Variants in DGAT2 observed in about 807,000 individuals in gnomAD.
DGAT2 encodes the protein acyl-CoA retinol O-fatty-acyltransferase.
A neutral mutation model predicts 48.4 loss-of-function variants in DGAT2; 33 were observed. That is an observed-to-expected ratio of 0.68 (90% CI 0.52 to 0.91). The LOEUF (loss-of-function observed/expected upper bound fraction) is 0.91. Ranked by LOEUF, DGAT2 falls within the 40% of genes least tolerant of loss-of-function variation. DGAT2 has a pLI of 0.00. For missense variants in DGAT2, 446 were observed against 493.7 expected (o/e 0.90, Z 0.92); for synonymous variants, 191 against 194.1 (o/e 0.98, Z 0.13).
chr11:75,779,664 A>G (rs191018409), intron 1 of DGAT2, among the ~76,000 whole-genome samples: 2 of 152,322 alleles, frequency 1.3e-5, no homozygotes, highest in Admixed American at 6.5e-5. Flanking sequence ...GTGTAAAGCA[A>G]GTGCTGCCTG....
chr11:75,789,505 T>A (rs1944960498), intron 2 of DGAT2, among the ~76,000 whole-genome samples: 2 of 152,172 alleles, frequency 1.3e-5, no homozygotes, highest in Non-Finnish European at 2.9e-5. Context: ...GCCTGGGACT[T>A]CCTGGATTGC....
intron 2 of DGAT2, among the ~76,000 whole-genome samples, chr11:75,786,016 C>T (rs1438110968): frequency 6.6e-6 from 1 of 152,164 alleles, no homozygotes; most frequent in Non-Finnish European, 1.5e-5. Flanking sequence ...ACCTTTAGGC[C>T]CAAGAACGGG....
At chr11:75,769,979 C>T (rs978707417) in intron 1 of DGAT2, among the ~76,000 whole-genome samples, 4 of 152,066 alleles carry the variant, frequency 2.6e-5, no homozygotes, top group Non-Finnish European at 5.9e-5. Flanking sequence ...TCGCCTACAC[C>T]GCCCACCTTT....
intron 1 of DGAT2, chr11:75,773,892 G>A (rs1944780413): frequency 6.6e-6 from 1 of 152,286 alleles, no homozygotes; most frequent in Non-Finnish European, 1.5e-5. Flanking sequence ...TCCGGATCTG[G>A]AAAGATGAAT....
intron 1 of DGAT2, among the ~76,000 whole-genome samples, chr11:75,777,546 G>A (rs1012821556): frequency 2.6e-5 from 4 of 152,166 alleles, no homozygotes; most frequent in African/African-American, 7.2e-5. Flanking sequence ...ACAATCTGGT[G>A]AGGTAGGTAT....
intron 7 of DGAT2, 55 bp from the exon 8 acceptor site, chr11:75,800,298 TG>T: frequency 2.5e-6 from 4 of 1,580,720 alleles, no homozygotes; most frequent in Non-Finnish European, 3.4e-6. Flanking sequence ...AGCATCATGG[TG>T]GATGCCCAGG....
chr11:75,790,403 G>A, intron 3 of DGAT2, 108 bp downstream of exon 3: 1 of 1,012,460 alleles, frequency 9.9e-7, no homozygotes, highest in Non-Finnish European at 1.5e-6. Flanking sequence ...CACCCACTTT[G>A]TGAAAAGCAC....
intron 4 of DGAT2, chr11:75,796,025 G>A (rs1482843188): frequency 2.8e-6 from 1 of 353,534 alleles, no homozygotes; most frequent in South Asian, 3.7e-5. Flanking sequence ...CCCAGAGGGA[G>A]GGAAGGCAGG....
chr11:75,797,153 C>T lies in DGAT2; in HGVS notation c.635-5C>T, dbSNP rs751625953. On this transcript the variant is annotated splice_polypyrimidine_tract_variant and splice_region_variant and intron_variant, in intron 5 of 7. Coordinates refer to ENST00000228027, the MANE Select transcript of DGAT2 (RefSeq NM_032564.5). ...CCTGACTGTTGCGTCCTTCCCTCCC[C>T]TCAGGTATCTGCCCTGTCAGCCGGG... 1.4e-6 allele frequency: 2 copies of T among 1,479,104 alleles called. No homozygotes were observed. 91.6% of individuals were successfully genotyped at this position (1,479,104 alleles called of 1,614,324 possible). A position where few individuals can be genotyped will look rare whatever the true frequency, so the allele number is the denominator to read the frequency against.
chr11:75,792,746 C>T (rs1302073687), intron 4 of DGAT2: 3 of 151,886 alleles, frequency 2.0e-5, no homozygotes, highest in Non-Finnish European at 4.4e-5. Flanking sequence ...TAGGCAGAAT[C>T]CTTGGAGAGG....
rs764169894 is a variant in DGAT2 at position 75,796,545 on chromosome 11, C to A, written c.634+13C>A. On this transcript the variant is annotated intron_variant, in intron 5 of 7. Coordinates refer to ENST00000228027, the MANE Select transcript of DGAT2 (RefSeq NM_032564.5). Reference sequence around the variant, plus strand: ...CTGATGTCTGGAGGTAAGAATCCACCCCCTGTGCTCCTGCTGGGCACTGTT... The same window carrying A: ...CTGATGTCTGGAGGTAAGAATCCACACCCTGTGCTCCTGCTGGGCACTGTT... The A allele has an allele frequency of 1.9e-6, 3 of 1,609,362 alleles. No homozygotes were observed. Among genetic ancestry groups the A allele is most frequent in the Non-Finnish European group, 2.5e-6 (3 of 1,178,136 alleles).
chr11:75,790,685 G>T lies in DGAT2; in HGVS notation c.383G>T (p.Arg128Leu), dbSNP rs754562195. The T allele has an allele frequency of 1.2e-6, 2 of 1,614,010 alleles. No homozygotes were observed. Among genetic ancestry groups the T allele is most frequent in the African/African-American group, 2.7e-5 (2 of 74,894 alleles). ...KKGGRRSQWVRNWAVWRYFRD... is the reference protein window; with the variant it reads ...KKGGRRSQWVLNWAVWRYFRD... The stretch of plus-strand genomic sequence containing the variant: ...GGTGGCAGGAGGTCACAGTGGGTCC[G>T]AAACTGGGCTGTGTGGCGCTACTTT... Residue 128 changes from arginine (R) to leucine (L), a missense_variant, in exon 4 of 8, where the codon CGA (arginine) becomes CTA (leucine). By Grantham distance (102) the Arg-to-Leu change is moderately radical. Transcript: ENST00000228027.
chr11:75,800,670 A>T lies in DGAT2; in HGVS notation c.*162A>T, dbSNP rs1945104184. On this transcript the variant is annotated 3_prime_UTR_variant, in exon 8 of 8. Coordinates refer to ENST00000228027, the MANE Select transcript of DGAT2 (RefSeq NM_032564.5). ...GGTCTTTTTTAAGAAGGAAAAAGTC[A>T]GTATTTCAAGTTCTTTCACTTCCAG... is the stretch of plus-strand genomic sequence containing the variant. 1.5e-5 allele frequency: 14 copies of T among 929,236 alleles called. No homozygotes were observed. In the South Asian group the frequency reaches 2.5e-4, roughly 17 times the overall value. 57.6% of individuals were successfully genotyped at this position (929,236 alleles called of 1,614,324 possible). A position where few individuals can be genotyped will look rare whatever the true frequency, so the allele number is the denominator to read the frequency against.
chr11:75,789,672 C>T (rs974255375), intron 2 of DGAT2, among the ~76,000 whole-genome samples: 2 of 152,216 alleles, frequency 1.3e-5, no homozygotes, highest in African/African-American at 4.8e-5. Flanking sequence ...TGCCACTGTC[C>T]TGCTGGGTGA....
chr11:75,775,862 T>C, intron 1 of DGAT2: 1 of 152,288 alleles, frequency 6.6e-6, no homozygotes, highest in East Asian at 1.9e-4. Flanking sequence ...TCCTGACTGA[T>C]CCTTTATGTA....
At chr11:75,780,170 C>A (rs1944845844) in intron 1 of DGAT2, among the ~76,000 whole-genome samples, 1 of 152,170 alleles carries the variant, frequency 6.6e-6, no homozygotes, top group African/African-American at 2.4e-5. Context: ...GAGTCAGGAA[C>A]AGTCAGACTG....
intron 5 of DGAT2, 86 bp downstream of exon 5, chr11:75,796,618 C>A: frequency 1.4e-6 from 2 of 1,392,154 alleles, no homozygotes; most frequent in Non-Finnish European, 2.0e-6. Flanking sequence ...AGGGAGCCAA[C>A]ACACCATTCC....
intron 6 of DGAT2, 24 bp downstream of exon 6, chr11:75,797,356 C>CA: frequency 7.0e-7 from 1 of 1,435,302 alleles, no homozygotes; most frequent in South Asian, 1.5e-5. Flanking sequence ...TACACACACA[C>CA]ACACCCCTCC....
chr11:75,783,536 C>T (rs1217988118), intron 1 of DGAT2, among the ~76,000 whole-genome samples: 1 of 152,208 alleles, frequency 6.6e-6, no homozygotes, highest in Non-Finnish European at 1.5e-5. Flanking sequence ...AAGATTGTGA[C>T]TAACTCATCT....
Sources: gnomAD v4.1 joint callset for allele counts (sites outside exome capture counted in the v4.1 genomes callset) on GRCh38, gnomAD v4.1.1 for gene constraint, MANE v1.5 for transcripts, NCBI Gene and HGNC (gene_info 2026-07-23, HGNC 2026-07-21) for gene names.